The following CASKIN2 variants were observed in gnomAD, a reference collection of about 807,000 sequenced individuals.
CASKIN2 encodes the protein CASK interacting protein 2.
Under a neutral mutation model 107.1 loss-of-function variants are expected in CASKIN2, and 41 were observed. That is an observed-to-expected ratio of 0.38 (90% confidence interval 0.30 to 0.50). The LOEUF (loss-of-function observed/expected upper bound fraction) is 0.50. Among genes scored for constraint, CASKIN2 ranks in the 20% least tolerant of loss-of-function variants. CASKIN2 has a pLI of 0.92. For synonymous variants in CASKIN2, 724 were observed against 705.6 expected (o/e 1.03, Z -0.41); for missense variants, 1,546 against 1,657.4 (o/e 0.93, Z 1.17).
In CASKIN2 at chr17:75,504,941, G is replaced by A. The variant is rs778451706; in HGVS notation, c.1063C>T (p.Arg355Cys). Residue 355 changes from arginine to cysteine, a missense_variant, in exon 11 of 20, where the codon CGC becomes TGC. Physicochemically the swap from Arg to Cys is radical, Grantham distance 180 (BLOSUM62 -3). Around this residue, in one of 6 missense-constraint regions of CASKIN2, gnomAD observed 1,311 missense variants for 1,311.0 expected, o/e 1.00. Coordinates refer to ENST00000321617, the MANE Select transcript of CASKIN2 (RefSeq NM_020753.5). ...VSKRVGIPAA[R>C]LPSAPTPLRP... ...AGGGGGGTGGGTGCGGAGGGGAGGC[G>A]GGCTGCAGGGATGCCCACCCGCTTG... 5.0e-6 allele frequency: 8 copies of A among 1,610,590 alleles called. No homozygotes were observed. In the East Asian group the frequency reaches 6.7e-5, roughly 13 times the overall value.
At chr17:75,512,640 G>A (rs983420453) in intron 2 of CASKIN2, among the ~76,000 whole-genome samples, 4 of 152,126 alleles carry the variant, frequency 2.6e-5, no homozygotes, top group Non-Finnish European at 5.9e-5. Flanking sequence ...TGGTGCGGTG[G>A]CTCATGCCTG....
intron 2 of CASKIN2, among the ~76,000 whole-genome samples, 192 bp from the exon 3 acceptor site, chr17:75,508,477 C>T (rs1384194946): frequency 1.3e-5 from 2 of 150,850 alleles, no homozygotes; most frequent in Non-Finnish European, 3.0e-5. Context: ...GCAGTGAGGG[C>T]AGGATGCTGC....
chr17:75,502,222 G>A lies in CASKIN2; in HGVS notation c.2852C>T (p.Pro951Leu), dbSNP rs759920679. ...GGTCAGGTTCCCTTCCTCTGCAAACGGCAGCCCTTCCCCAGAGCTGCCCCG... is the reference window on the plus strand; with the variant it reads ...GGTCAGGTTCCCTTCCTCTGCAAACAGCAGCCCTTCCCCAGAGCTGCCCCG... The part of the protein sequence containing the change: ...PSRGSSGEGL[P>L]FAEEGNLTIK... Residue 951 changes from proline to leucine, a missense_variant, in exon 18 of 20, where the codon CCG becomes CTG. This residue lies in a region of CASKIN2 where 1,311 missense variants were observed against 1,311.0 expected (regional missense o/e 1.00). Transcript: ENST00000321617. This position sits in a 1 kb window ranked among gnomAD's most constrained non-coding sequence, Gnocchi z 4.3. The A allele has an allele frequency of 1.3e-5, 20 of 1,587,692 alleles. No homozygotes were observed. Among genetic ancestry groups the A allele is most frequent in the Non-Finnish European group, 1.6e-5 (19 of 1,172,340 alleles).
rs576803188 is a variant in CASKIN2 at position 75,503,957 on chromosome 17, C to A, written c.1473G>T (p.Ala491=). ...RPEQLLEGKD[A]QAIHNWLSEF... ...CGCTTAGCCAGTTATGAATGGCCTG[C>A]GCGTCCTGCGGGGTGGGGGAAGGGG... Residue 491 remains alanine, a synonymous_variant, in exon 15 of 20, where the codon GCG becomes GCT. Coordinates refer to ENST00000321617, the MANE Select transcript of CASKIN2 (RefSeq NM_020753.5). 5 of 1,610,494 alleles carry A rather than the reference C, an allele frequency of 3.1e-6. No homozygotes were observed. The highest frequency in any genetic ancestry group is 4.2e-6 in the Non-Finnish European group (5 of 1,178,974).
In CASKIN2 at chr17:75,513,904, G is replaced by A; in HGVS notation, c.-100C>T. On this transcript the variant is annotated 5_prime_UTR_variant, in exon 2 of 20. Transcript: ENST00000321617. The stretch of plus-strand genomic sequence containing the variant: ...GGGCGCCATGCCACAGCCCCTTGGA[G>A]GGCTCCCGGTTCCGGGGGAGCAAGT... 1.9e-6 allele frequency: 2 copies of A among 1,067,562 alleles called. No homozygotes were observed. Among genetic ancestry groups the A allele is most frequent in the South Asian group, 1.4e-5 (1 of 73,800 alleles). The allele number at this position is 1,067,562 out of a possible 1,614,324, so 66.1% of individuals were successfully genotyped here. A position where few individuals can be genotyped will look rare whatever the true frequency, so the allele number is the denominator to read the frequency against.
At chr17:75,513,684 G>T in intron 2 of CASKIN2, 27 bp downstream of exon 2, 1 of 1,558,286 alleles carries the variant, frequency 6.4e-7, no homozygotes, top group Non-Finnish European at 8.8e-7. Flanking sequence ...CGGCCTCAGC[G>T]GGATGCTCGT....
At position 75,513,580 on chromosome 17, in the gene CASKIN2, C is replaced by T. The variant is rs2053332032; in HGVS notation, c.94+131G>A. ...TCTCTCTGGCTCTCTCACACAGAGG[C>T]ACTTCTTACTGAGAACAAGACAGTC... On this transcript the variant is annotated intron_variant, in intron 2 of 19. Coordinates refer to ENST00000321617, the MANE Select transcript of CASKIN2 (RefSeq NM_020753.5). 6.6e-6 allele frequency: 5 copies of T among 755,948 alleles called. 1 individual carries two copies. The highest frequency in any genetic ancestry group is 3.3e-5 in the South Asian group (2 of 60,358). 46.8% of individuals were successfully genotyped at this position (755,948 alleles called of 1,614,324 possible). A position where few individuals can be genotyped will look rare whatever the true frequency, so the allele number is the denominator to read the frequency against.
Position 75,504,552 on chromosome 17 carries a change from C to A in CASKIN2, c.1314+20G>T. ...AGTGGGGAGTGAGCCCTGACCTGGTCCGTGACCCCATCATCCTACCTGGGC... is the reference window on the plus strand; with the variant it reads ...AGTGGGGAGTGAGCCCTGACCTGGTACGTGACCCCATCATCCTACCTGGGC... On this transcript the variant is annotated intron_variant, in intron 12 of 19. Coordinates refer to ENST00000321617, the MANE Select transcript of CASKIN2 (RefSeq NM_020753.5). 1 of 1,594,560 alleles carries A rather than the reference C, an allele frequency of 6.3e-7. No individual in the cohort carries two copies. Among genetic ancestry groups the A allele is most frequent in the Non-Finnish European group, 8.6e-7 (1 of 1,166,168 alleles).
Position 75,507,629 on chromosome 17 carries a change from A to G in CASKIN2, c.199T>C (p.Leu67=), listed in dbSNP as rs749397590. The change falls in exon 4 of 20, where the codon TTG becomes CTG. Residue 67 remains leucine (L), a synonymous_variant. Coordinates refer to ENST00000321617, the MANE Select transcript of CASKIN2 (RefSeq NM_020753.5). The part of the protein sequence containing the change: ...ALGGSLELIA[L]LLEAQATVDI... ...ACAGTGGCCTGAGCCTCTAGCAGCA[A>G]GGCTATGAGCTCCAGGCTGCCCCCC... 22 of 1,613,164 alleles carry G rather than the reference A, an allele frequency of 1.4e-5. No homozygotes were observed. The South Asian group carries it at 2.4e-4, about 18-fold the overall frequency.
Position 75,502,792 on chromosome 17 carries a change from C to T in CASKIN2, c.2282G>A (p.Gly761Asp), listed in dbSNP as rs764161799. 2.5e-6 allele frequency: 4 copies of T among 1,586,962 alleles called. No homozygotes were observed. Among genetic ancestry groups the T allele is most frequent in the Non-Finnish European group, 8.6e-7 (1 of 1,167,058 alleles). Residue 761 changes from glycine to aspartate, a missense_variant, in exon 18 of 20, where the codon GGC (glycine) becomes GAC (aspartate). Physicochemically the swap from Gly to Asp is moderately conservative, Grantham distance 94. Around this residue, in one of 6 missense-constraint regions of CASKIN2, gnomAD observed 1,311 missense variants for 1,311.0 expected, o/e 1.00. Coordinates refer to ENST00000321617, the MANE Select transcript of CASKIN2 (RefSeq NM_020753.5). The surrounding 1 kb of genome is among the most constrained non-coding windows in gnomAD (Gnocchi z 4.3). ...CCCTGGGGCCGGGCTAGAGGGTGAG[C>T]CCTGGGGGTACATAAAAACATAGGG... Reference protein sequence around the residue: ...PPPYVFMYPQGSPSSPAPGPP... With the variant: ...PPPYVFMYPQDSPSSPAPGPP...
At position 75,505,759 on chromosome 17, in the gene CASKIN2, C is replaced by T; in HGVS notation, c.835+62G>A. 6.3e-7 allele frequency: 1 copy of T among 1,576,368 alleles called. No individual in the cohort carries two copies. Among genetic ancestry groups the T allele is most frequent in the Non-Finnish European group, 8.7e-7 (1 of 1,151,070 alleles). On this transcript the variant is annotated intron_variant, in intron 9 of 19. Transcript: ENST00000321617. This position sits in a 1 kb window ranked among gnomAD's most constrained non-coding sequence, Gnocchi z 5.1. ...CCCAGGGACGTCCACTCCCCCTCCACATCCTGGTACCACTTGAGCGGCCCC... is the reference window on the plus strand; with the variant it reads ...CCCAGGGACGTCCACTCCCCCTCCATATCCTGGTACCACTTGAGCGGCCCC...
At position 75,505,886 on chromosome 17, in the gene CASKIN2, G is replaced by A. The variant is rs2053259965; in HGVS notation, c.770C>T (p.Ala257Val). Reference protein sequence around the residue: ...VNIRNTYNQTALDIVNQFTTS... With the variant: ...VNIRNTYNQTVLDIVNQFTTS... Reference sequence around the variant, plus strand: ...GGTGAACTGATTCACTATGTCCAGCGCCGTCTGGTTATACGTATTCCGGAT... The same window carrying A: ...GGTGAACTGATTCACTATGTCCAGCACCGTCTGGTTATACGTATTCCGGAT... Residue 257 changes from alanine (A) to valine (V), a missense_variant, in exon 9 of 20, where the codon GCG becomes GTG. Ala to Val is a moderately conservative substitution (Grantham distance 64). Transcript: ENST00000321617. This position sits in a 1 kb window ranked among gnomAD's most constrained non-coding sequence, Gnocchi z 5.1. 2 of 1,613,430 alleles carry A rather than the reference G, an allele frequency of 1.2e-6. No homozygotes were observed. The highest frequency in any genetic ancestry group is 8.5e-7 in the Non-Finnish European group (1 of 1,179,992).
At chr17:75,508,047 G>A (rs1191640923) in intron 3 of CASKIN2, among the ~76,000 whole-genome samples, 187 bp downstream of exon 3, 1 of 152,114 alleles carries the variant, frequency 6.6e-6, no homozygotes, top group African/African-American at 2.4e-5. Context: ...CTAACTCCAC[G>A]GGCGGGCGGG....
At position 75,506,485 on chromosome 17, in the gene CASKIN2, T is replaced by A; in HGVS notation, c.618-72A>T. On this transcript the variant is annotated intron_variant, in intron 7 of 19. Coordinates refer to ENST00000321617, the MANE Select transcript of CASKIN2 (RefSeq NM_020753.5). This position sits in a 1 kb window ranked among gnomAD's most constrained non-coding sequence, Gnocchi z 4.8. Reference sequence around the variant, plus strand: ...TGCTGACTGCTGGGGGCCTGGGAGATGGAGAGCCCGGGTGAAAAGGGCAGT... The same window carrying A: ...TGCTGACTGCTGGGGGCCTGGGAGAAGGAGAGCCCGGGTGAAAAGGGCAGT... 1 of 1,552,874 alleles carries A rather than the reference T, an allele frequency of 6.4e-7. No homozygotes were observed.
chr17:75,508,343 C>T, intron 2 of CASKIN2, 58 bp from the exon 3 acceptor site: 1 of 1,557,552 alleles, frequency 6.4e-7, no homozygotes, highest in Non-Finnish European at 8.8e-7. Context: ...ACTCAGCATC[C>T]CTCCCCCCAC....
chr17:75,508,870 G>A (rs896628895), intron 2 of CASKIN2, among the ~76,000 whole-genome samples: 2 of 152,200 alleles, frequency 1.3e-5, no homozygotes, highest in Non-Finnish European at 2.9e-5. Flanking sequence ...ACCTGCTCAC[G>A]GGGGCTGTGA....
At chr17:75,511,972 C>A (rs182999973) in intron 2 of CASKIN2, among the ~76,000 whole-genome samples, 2 of 152,334 alleles carry the variant, frequency 1.3e-5, no homozygotes, top group Admixed American at 1.3e-4. Context: ...AGTGGCTGCA[C>A]TGCTGGACCT....
intron 3 of CASKIN2, chr17:75,507,963 A>C: frequency 1.7e-6 from 1 of 579,614 alleles, no homozygotes; most frequent in Non-Finnish European, 3.1e-6. Flanking sequence ...TCCAGGGAGA[A>C]AAGGGGGCCC....
Position 75,506,482 on chromosome 17 carries a change from A to C in CASKIN2, c.618-69T>G. 1 of 1,577,216 alleles carries C rather than the reference A, an allele frequency of 6.3e-7. No individual in the cohort carries two copies. The highest frequency in any genetic ancestry group is 8.6e-7 in the Non-Finnish European group (1 of 1,157,620). On this transcript the variant is annotated intron_variant, in intron 7 of 19. Coordinates refer to ENST00000321617, the MANE Select transcript of CASKIN2 (RefSeq NM_020753.5). The surrounding 1 kb of genome is among the most constrained non-coding windows in gnomAD (Gnocchi z 4.8). ...GGGTGCTGACTGCTGGGGGCCTGGG[A>C]GATGGAGAGCCCGGGTGAAAAGGGC... is the stretch of plus-strand genomic sequence containing the variant.
Sources: gnomAD v4.1 joint callset for allele counts (sites outside exome capture counted in the v4.1 genomes callset) on GRCh38, gnomAD v4.1.1 for gene constraint, gnomAD v4.1.1 regional missense constraint, Gnocchi (gnomAD v3.1) non-coding constraint, MANE v1.5 for transcripts, NCBI Gene and HGNC (gene_info 2026-07-23, HGNC 2026-07-21) for gene names.